Variants in FRG1 observed in about 807,000 individuals in gnomAD.
The protein encoded by FRG1 is protein FRG1.
A neutral mutation model predicts 37.0 loss-of-function variants in FRG1; 19 were observed. The ratio of observed to expected loss-of-function variants is 0.51; its 90% confidence interval spans 0.36 to 0.75. The LOEUF is 0.75. FRG1 is among the 30% of genes least tolerant of loss of function. FRG1 has a pLI of 0.00. For synonymous variants in FRG1, 73 were observed against 96.5 expected (o/e 0.76, Z 1.43); for missense variants, 243 against 301.4 (o/e 0.81, Z 1.44).
At position 189,941,108 on chromosome 4, in the gene FRG1, C is replaced by G. The variant is rs775546267; in HGVS notation, c.62+37C>G. 6 of 1,582,488 alleles carry G rather than the reference C, an allele frequency of 3.8e-6. No individual in the cohort carries two copies. In the South Asian group the frequency reaches 5.5e-5, roughly 15 times the overall value. On this transcript the variant is annotated intron_variant, in intron 1 of 8. Coordinates refer to ENST00000226798, the MANE Select transcript of FRG1 (RefSeq NM_004477.3). ...AGCTTGGGCGGGAGCCTCCTCCGTT[C>G]TTTTCGGACGCACTCCACCCCCGCA...
chr4:189,952,891 T>C (rs1227912379), intron 3 of FRG1, among the ~76,000 whole-genome samples, 177 bp from the exon 4 acceptor site: 53 of 152,390 alleles, frequency 3.5e-4, no homozygotes, highest in Non-Finnish European at 7.5e-4. Context: ...ACACTGTAGT[T>C]AAAAGAAGGT....
intron 2 of FRG1, among the ~76,000 whole-genome samples, chr4:189,943,758 C>A (rs944791757): frequency 2.6e-5 from 4 of 152,202 alleles, no homozygotes; most frequent in Admixed American, 1.3e-4. Flanking sequence ...CCTAAACACA[C>A]TTAACCAGCC....
intron 4 of FRG1, among the ~76,000 whole-genome samples, chr4:189,954,218 G>A (rs80161118): frequency 1.3e-5 from 2 of 151,862 alleles, no homozygotes; most frequent in Non-Finnish European, 2.9e-5. Context: ...AAAAAAAAAT[G>A]CGTGATACAA....
chr4:189,949,192 C>T (rs1245856949), intron 2 of FRG1, among the ~76,000 whole-genome samples: 1 of 152,178 alleles, frequency 6.6e-6, no homozygotes, highest in East Asian at 1.9e-4. Context: ...TGTCACCTGA[C>T]GTAGAGACAG....
chr4:189,945,660 GT>G (rs925601759), intron 2 of FRG1, among the ~76,000 whole-genome samples: 22 of 150,644 alleles, frequency 1.5e-4, no homozygotes, highest in African/African-American at 5.1e-4. Context: ...TGTGTTTTTT[GT>G]TTTTTTTTAA....
chr4:189,947,251 A>T (rs1736570742), intron 2 of FRG1, among the ~76,000 whole-genome samples: 1 of 152,224 alleles, frequency 6.6e-6, no homozygotes, highest in African/African-American at 2.4e-5. Flanking sequence ...ATTGATAGTT[A>T]TGTTAAAATC....
At chr4:189,948,954 A>T (rs1446423838) in intron 2 of FRG1, among the ~76,000 whole-genome samples, 1 of 152,238 alleles carries the variant, frequency 6.6e-6, no homozygotes, top group Admixed American at 6.5e-5. Context: ...CCACCTCTCA[A>T]AGTGCTGGAT....
At chr4:189,957,706 A>G (rs1241773892) in intron 6 of FRG1, among the ~76,000 whole-genome samples, 1 of 152,170 alleles carries the variant, frequency 6.6e-6, no homozygotes, top group Non-Finnish European at 1.5e-5. Context: ...AAATGAGTGC[A>G]TCTAGGAGCT....
At chr4:189,957,569 G>A (rs1192299470) in intron 6 of FRG1, 67 bp downstream of exon 6, 1 of 1,354,252 alleles carries the variant, frequency 7.4e-7, no homozygotes, top group Non-Finnish European at 1.0e-6. Context: ...TCTTTAAAAT[G>A]TTAAATGGTC....
intron 3 of FRG1, among the ~76,000 whole-genome samples, chr4:189,952,855 CCT>C (rs1736817209): frequency 6.6e-6 from 1 of 152,196 alleles, no homozygotes; most frequent in Non-Finnish European, 1.5e-5. Flanking sequence ...ATTATATCAC[CCT>C]GTCTTACTCA....
intron 2 of FRG1, among the ~76,000 whole-genome samples, chr4:189,945,752 A>C (rs1432153437): frequency 6.6e-6 from 1 of 152,092 alleles, no homozygotes; most frequent in African/African-American, 2.4e-5. Flanking sequence ...TTTGGTGTCA[A>C]GGTGATACTG....
chr4:189,960,178 T>C (rs1737168559), intron 6 of FRG1, among the ~76,000 whole-genome samples: 1 of 152,182 alleles, frequency 6.6e-6, no homozygotes, highest in Non-Finnish European at 1.5e-5. Flanking sequence ...TAATTGCCTG[T>C]TCTGTGGGTG....
intron 2 of FRG1, among the ~76,000 whole-genome samples, chr4:189,948,278 C>T (rs1474744428): frequency 2.0e-5 from 3 of 150,850 alleles, no homozygotes; most frequent in African/African-American, 7.3e-5. Flanking sequence ...TTCTGTCTTT[C>T]ACATGGAGAA....
chr4:189,940,904 G>GT lies in FRG1; in HGVS notation c.-103dup. The GT allele has an allele frequency of 1.2e-6, 1 of 814,660 alleles. No individual in the cohort carries two copies. The highest frequency in any genetic ancestry group is 2.2e-5 in the Admixed American group (1 of 46,322). The allele number at this position is 814,660 out of a possible 1,614,324, so 50.5% of individuals were successfully genotyped here. A position where few individuals can be genotyped will look rare whatever the true frequency, so the allele number is the denominator to read the frequency against. On this transcript the variant is annotated 5_prime_UTR_variant, in exon 1 of 9. Coordinates refer to ENST00000226798, the MANE Select transcript of FRG1 (RefSeq NM_004477.3). ...ACAGAGACGTAGGCTGTCAGGGAGT[G>GT]TTTATTTCGCGTCCGCTTCTGTTTC...
At chr4:189,947,394 C>G (rs997344625) in intron 2 of FRG1, among the ~76,000 whole-genome samples, 4 of 152,176 alleles carry the variant, frequency 2.6e-5, no homozygotes, top group Admixed American at 1.3e-4. Context: ...ACATTTTAAC[C>G]TTATTTCTGT....
intron 7 of FRG1, chr4:189,961,534 A>AG (rs1263394818): frequency 5.2e-6 from 1 of 190,814 alleles, no homozygotes; most frequent in Non-Finnish European, 1.1e-5. Context: ...CAGCCTCCCG[A>AG]GTAGCTGGGA....
chr4:189,943,854 TA>T (rs1214882591), intron 2 of FRG1, among the ~76,000 whole-genome samples: 4 of 152,192 alleles, frequency 2.6e-5, no homozygotes, highest in Non-Finnish European at 5.9e-5. Flanking sequence ...TAAATTATGG[TA>T]ACTTAATATA....
rs1293935291 is a variant in FRG1, at chr4:189,940,964, G to A, written c.-46G>A. On this transcript the variant is annotated 5_prime_UTR_variant, in exon 1 of 9. Transcript: ENST00000226798. The stretch of plus-strand genomic sequence containing the variant: ...CTGTGCTGCCCCGACTCACATACTC[G>A]TCCAGAACCGGCCTCAGCCTCTCCG... 6.5e-7 allele frequency: 1 copy of A among 1,542,318 alleles called. No individual in the cohort carries two copies. The highest frequency in any genetic ancestry group is 8.9e-7 in the Non-Finnish European group (1 of 1,118,638).
At chr4:189,954,983 C>A in intron 4 of FRG1, 54 bp from the exon 5 acceptor site, 1 of 1,094,326 alleles carries the variant, frequency 9.1e-7, no homozygotes, top group Non-Finnish European at 1.4e-6. Context: ...TTTTGATGTC[C>A]TATAATTAAT....
Sources: gnomAD v4.1 joint callset for allele counts (sites outside exome capture counted in the v4.1 genomes callset) on GRCh38, gnomAD v4.1.1 for gene constraint, MANE v1.5 for transcripts, NCBI Gene and HGNC (gene_info 2026-07-23, HGNC 2026-07-21) for gene names.